Variants in NKAIN2 observed in about 807,000 individuals in gnomAD.
NKAIN2 encodes sodium/potassium transporting ATPase interacting 2.
In NKAIN2, 14 loss-of-function variants were observed where a neutral mutation model predicts 32.6. That is an observed-to-expected ratio of 0.43 (90% CI 0.28 to 0.67). The LOEUF (loss-of-function observed/expected upper bound fraction) is 0.67, where lower values mean the gene tolerates loss of function less well. Ranked by LOEUF, NKAIN2 falls within the 30% of genes least tolerant of loss-of-function variation. NKAIN2 has a pLI of 0.17. For synonymous variants in NKAIN2, 80 were observed against 87.2 expected, an observed-to-expected ratio of 0.92 and a Z score of 0.46; for missense variants, 198 against 258.3, an observed-to-expected ratio of 0.77 and a Z score of 1.60.
intron 3 of NKAIN2, among the ~76,000 whole-genome samples, chr6:124,631,803 G>A (rs932369240): frequency 1.3e-5 from 2 of 152,066 alleles, no homozygotes; most frequent in African/African-American, 4.8e-5. Context: ...ATGCTCTCGA[G>A]GTTCCCCATT....
At chr6:124,100,132 C>T (rs183322990) in intron 1 of NKAIN2, among the ~76,000 whole-genome samples, 208 of 152,328 alleles carry the variant, frequency 1.4e-3, no homozygotes, top group Admixed American at 4.2e-3. Flanking sequence ...CTTCCTCATT[C>T]AGTACCTGAC....
chr6:124,805,303 G>A (rs1481880405), intron 5 of NKAIN2, among the ~76,000 whole-genome samples: 1 of 152,120 alleles, frequency 6.6e-6, no homozygotes, highest in East Asian at 1.9e-4. Flanking sequence ...ACTTCCAGAG[G>A]AACGATCAGA....
Position 124,325,848 on chromosome 6 carries a change from T to A in NKAIN2, c.193-29419T>A, listed in dbSNP as rs12175022. ...CCTTAAAATTTATGCATTTTATCAC[T>A]TGTAAATTATACTTCAATGTAAAAA... On this transcript the variant is annotated intron_variant, in intron 2 of 6. Coordinates refer to ENST00000368417, the MANE Select transcript of NKAIN2 (RefSeq NM_001040214.3). 1.4e-3 allele frequency among the ~76,000 whole-genome samples: 214 copies of A among 152,296 alleles called. 3 individuals are homozygous for A. In the East Asian group the frequency reaches 0.04, roughly 29 times the overall value.
At chr6:124,736,427 A>AT (rs535726638) in intron 4 of NKAIN2, among the ~76,000 whole-genome samples, 4 of 152,064 alleles carry the variant, frequency 2.6e-5, no homozygotes, top group South Asian at 2.1e-4. Flanking sequence ...TAAACAACAG[A>AT]TTTTTTAATT....
At chr6:123,852,987 G>A (rs1452220326) in intron 1 of NKAIN2, among the ~76,000 whole-genome samples, 1 of 152,206 alleles carries the variant, frequency 6.6e-6, no homozygotes, top group Non-Finnish European at 1.5e-5. Context: ...AGATGCTAGT[G>A]TGATAGCCCC....
At chr6:124,012,878 G>A (rs559464247) in intron 1 of NKAIN2, among the ~76,000 whole-genome samples, 54 of 150,710 alleles carry the variant, frequency 3.6e-4, no homozygotes, top group South Asian at 2.5e-3. Context: ...CATTTATAAG[G>A]TATATGTTTT....
chr6:123,984,982 A>G (rs950792874), intron 1 of NKAIN2, among the ~76,000 whole-genome samples: 5 of 152,230 alleles, frequency 3.3e-5, no homozygotes, highest in Non-Finnish European at 7.3e-5. Flanking sequence ...AAAATGTGTT[A>G]AATTTATAAT....
intron 3 of NKAIN2, among the ~76,000 whole-genome samples, chr6:124,568,240 T>C (rs191387422): frequency 1.3e-5 from 2 of 152,218 alleles, no homozygotes; most frequent in Admixed American, 6.5e-5. Context: ...TAGTAAAGAA[T>C]TGAAACCAAT....
chr6:124,572,068 C>G lies in NKAIN2; in HGVS notation c.274-86118C>G, dbSNP rs559442338. ...AGTCCAGAGACATTTTCGGAGTCCT[C>G]TACCCAGTGGCATAGATTCTAATCT... On this transcript the variant is annotated intron_variant, in intron 3 of 6. Coordinates refer to ENST00000368417, the MANE Select transcript of NKAIN2 (RefSeq NM_001040214.3). 2.6e-5 allele frequency among the ~76,000 whole-genome samples: 4 copies of G among 152,296 alleles called. No homozygotes were observed. In the East Asian group the frequency reaches 5.8e-4, roughly 22 times the overall value.
intron 1 of NKAIN2, among the ~76,000 whole-genome samples, chr6:124,232,366 A>G (rs959481359): frequency 4.6e-5 from 7 of 152,206 alleles, no homozygotes; most frequent in Non-Finnish European, 1.0e-4. Context: ...AACTGAAATT[A>G]AAGGAAACAG....
intron 1 of NKAIN2, among the ~76,000 whole-genome samples, chr6:123,932,350 G>A (rs235696): frequency 6.7e-6 from 1 of 149,486 alleles, no homozygotes; most frequent in Non-Finnish European, 1.5e-5. Context: ...CAATGACTCT[G>A]TTCCATTTAC....
chr6:124,738,175 T>A (rs1030632329), intron 4 of NKAIN2, among the ~76,000 whole-genome samples: 2 of 151,998 alleles, frequency 1.3e-5, no homozygotes, highest in African/African-American at 2.4e-5. Context: ...AAAGTAACAA[T>A]AATATTACCT....
intron 1 of NKAIN2, among the ~76,000 whole-genome samples, chr6:124,203,905 A>G (rs1359132865): frequency 1.3e-5 from 2 of 151,828 alleles, no homozygotes; most frequent in Non-Finnish European, 2.9e-5. Context: ...ATCATTTAAT[A>G]CATGTGTAAA....
chr6:124,345,405 A>G (rs138337627), intron 2 of NKAIN2, among the ~76,000 whole-genome samples: 13 of 152,278 alleles, frequency 8.5e-5, no homozygotes, highest in African/African-American at 2.9e-4. Flanking sequence ...TTCAGAAGGA[A>G]TTAGTACGAG....
At chr6:124,060,312 C>G (rs965398931) in intron 1 of NKAIN2, among the ~76,000 whole-genome samples, 2 of 152,128 alleles carry the variant, frequency 1.3e-5, no homozygotes, top group African/African-American at 4.8e-5. Flanking sequence ...ACGTGTAAAC[C>G]AGCCTGAATC....
chr6:124,441,488 T>A (rs1334464088), intron 3 of NKAIN2, among the ~76,000 whole-genome samples: 1 of 152,060 alleles, frequency 6.6e-6, no homozygotes, highest in Non-Finnish European at 1.5e-5. Flanking sequence ...GTGATCCAGT[T>A]CTCGCCTGGC....
At chr6:123,843,151 C>T (rs915003) in intron 1 of NKAIN2, among the ~76,000 whole-genome samples, 151,662 of 152,288 alleles carry the variant, frequency 1, 75,522 homozygotes, top group East Asian at 1. Flanking sequence ...ACAGCTTAAG[C>T]GTTAAACACT....
intron 3 of NKAIN2, among the ~76,000 whole-genome samples, chr6:124,618,751 G>A (rs1261918941): frequency 6.6e-6 from 1 of 152,144 alleles, no homozygotes; most frequent in Non-Finnish European, 1.5e-5. Context: ...TTATTTTAAT[G>A]CCTTTATGAG....
At chr6:124,228,252 C>A (rs1184084174) in intron 1 of NKAIN2, among the ~76,000 whole-genome samples, 1 of 152,098 alleles carries the variant, frequency 6.6e-6, no homozygotes, top group Non-Finnish European at 1.5e-5. Context: ...GTGAAGCCTT[C>A]CCAAATGGGC....
Sources: allele counts gnomAD v4.1 joint callset (sites outside exome capture counted in the v4.1 genomes callset), GRCh38; gene constraint gnomAD v4.1.1; transcripts MANE v1.5; gene names NCBI Gene and HGNC (gene_info 2026-07-23, HGNC 2026-07-21).